The following BOC variants were observed in gnomAD, a reference collection of about 807,000 sequenced individuals.
BOC encodes brother of CDO.
In BOC, 76 loss-of-function variants were observed where a neutral mutation model predicts 112.0. The observed-to-expected ratio is 0.68, with a 90% CI of 0.56 to 0.82. The LOEUF (loss-of-function observed/expected upper bound fraction) is 0.82, where lower values mean the gene tolerates loss of function less well. Among genes scored for constraint, BOC ranks in the 40% least tolerant of loss-of-function variants. BOC has a pLI of 0.00. For synonymous variants in BOC, 580 were observed against 599.8 expected, an observed-to-expected ratio of 0.97 and a Z score of 0.48; for missense variants, 1,309 against 1,511.7, an observed-to-expected ratio of 0.87 and a Z score of 2.22.
chr3:113,263,856 A>G (rs1947162718), intron 4 of BOC, among the ~76,000 whole-genome samples: 2 of 152,234 alleles, frequency 1.3e-5, no homozygotes, highest in South Asian at 2.1e-4. Context: ...AGCCACATCT[A>G]TGTACCTTTG....
intron 2 of BOC, among the ~76,000 whole-genome samples, chr3:113,221,337 G>C (rs576259921): frequency 2.0e-5 from 3 of 152,206 alleles, no homozygotes; most frequent in Admixed American, 1.3e-4. Flanking sequence ...CACTGGCTCA[G>C]GGTTTACGGA....
At position 113,234,789 on chromosome 3, in the gene BOC, A is replaced by G. The variant is rs116296359; in HGVS notation, c.-81-14933A>G. 5.9e-3 allele frequency among the ~76,000 whole-genome samples: 894 copies of G among 152,218 alleles called. 6 individuals are homozygous for G. The highest frequency in any genetic ancestry group is 0.02 in the African/African-American group (823 of 41,538). On this transcript the variant is annotated intron_variant, in intron 2 of 19. Transcript: ENST00000682979. ...ACACTAAGCAGAGTGCCTTGTTTTTACTGCACTTGGGAGCCATATCCTGTT... is the reference window on the plus strand; with the variant it reads ...ACACTAAGCAGAGTGCCTTGTTTTTGCTGCACTTGGGAGCCATATCCTGTT...
In BOC at chr3:113,278,384, T is replaced by C; in HGVS notation, c.1705+127T>C. 8.9e-7 allele frequency: 1 copy of C among 1,119,940 alleles called. No individual in the cohort carries two copies. The highest frequency in any genetic ancestry group is 1.5e-5 in the South Asian group (1 of 66,076). The allele number at this position is 1,119,940 out of a possible 1,614,324, so 69.4% of individuals were successfully genotyped here. ...CTTGAACTTCATCTTTCCTTCCAGC[T>C]ACTGCCTCCTTGTGGTTTGTGTGCT... On this transcript the variant is annotated intron_variant, in intron 10 of 19. Transcript: ENST00000682979. This position sits in a 1 kb window ranked among gnomAD's most constrained non-coding sequence, Gnocchi z 4.2.
chr3:113,266,335 T>A (rs1027469189), intron 4 of BOC, among the ~76,000 whole-genome samples: 1 of 152,242 alleles, frequency 6.6e-6, no homozygotes, highest in African/African-American at 2.4e-5. Context: ...ATCCTGTCAC[T>A]GTTTTTAACA....
chr3:113,218,352 T>A (rs1435951506), intron 2 of BOC, among the ~76,000 whole-genome samples: 1 of 152,222 alleles, frequency 6.6e-6, no homozygotes, highest in Non-Finnish European at 1.5e-5. Context: ...TAGGTGTGGG[T>A]CACAGTTAAT....
At chr3:113,264,058 A>G (rs956005293) in intron 4 of BOC, among the ~76,000 whole-genome samples, 2 of 152,218 alleles carry the variant, frequency 1.3e-5, no homozygotes, top group African/African-American at 4.8e-5. Flanking sequence ...CTGAGCTCCC[A>G]GAAGGAAGGA....
At chr3:113,253,200 C>G (rs1452297019) in intron 4 of BOC, among the ~76,000 whole-genome samples, 1 of 151,192 alleles carries the variant, frequency 6.6e-6, no homozygotes, top group Admixed American at 6.6e-5. Flanking sequence ...GTTCTTTTCT[C>G]TCTCTTGATG....
intron 6 of BOC, 129 bp downstream of exon 6, chr3:113,271,073 A>C (rs1028267440): frequency 1.4e-6 from 2 of 1,395,110 alleles, no homozygotes; most frequent in African/African-American, 2.8e-5. Flanking sequence ...GGCTTTGGCC[A>C]GGGGGACAGC....
At chr3:113,272,129 C>T (rs1210540660) in intron 6 of BOC, 3 of 505,882 alleles carry the variant, frequency 5.9e-6, no homozygotes, top group Non-Finnish European at 1.1e-5. Context: ...TCTCTCTTTG[C>T]CAGCACACAG....
At chr3:113,241,084 A>G (rs1470797015) in intron 2 of BOC, among the ~76,000 whole-genome samples, 1 of 152,196 alleles carries the variant, frequency 6.6e-6, no homozygotes, top group African/African-American at 2.4e-5. Context: ...TCCCAGCACC[A>G]CATCTGTGAC....
chr3:113,266,852 G>C (rs1260403190), intron 4 of BOC, among the ~76,000 whole-genome samples: 1 of 152,328 alleles, frequency 6.6e-6, no homozygotes, highest in East Asian at 1.9e-4. Context: ...AATTGACTAA[G>C]AGTTGCTGGG....
At chr3:113,283,265 C>T in intron 15 of BOC, 146 bp from the exon 16 acceptor site, 1 of 780,244 alleles carries the variant, frequency 1.3e-6, no homozygotes, top group Admixed American at 2.4e-5. Flanking sequence ...GTGTGGACAC[C>T]ATTCAAATAA....
intron 15 of BOC, among the ~76,000 whole-genome samples, chr3:113,281,815 G>T (rs1224810845): frequency 6.6e-6 from 1 of 152,190 alleles, no homozygotes; most frequent in Non-Finnish European, 1.5e-5. Context: ...TCTCATCAAG[G>T]CAATGGCATT....
chr3:113,227,083 G>A (rs1466858946), intron 2 of BOC, among the ~76,000 whole-genome samples: 5 of 152,182 alleles, frequency 3.3e-5, no homozygotes, highest in African/African-American at 1.2e-4. Context: ...TAGGGTAGAG[G>A]CTTTGATGGT....
intron 2 of BOC, among the ~76,000 whole-genome samples, chr3:113,238,673 C>T (rs1375065676): frequency 6.6e-6 from 1 of 152,190 alleles, no homozygotes; most frequent in African/African-American, 2.4e-5. Flanking sequence ...TCAGGCAGAC[C>T]TGGTTCAAAT....
intron 4 of BOC, among the ~76,000 whole-genome samples, chr3:113,257,192 C>T (rs1050808247): frequency 6.6e-6 from 1 of 152,204 alleles, no homozygotes; most frequent in Non-Finnish European, 1.5e-5. Flanking sequence ...ATTAATGGCA[C>T]CTTTAGACGG....
intron 2 of BOC, among the ~76,000 whole-genome samples, chr3:113,218,073 G>A (rs751808876): frequency 7.2e-5 from 11 of 152,112 alleles, no homozygotes; most frequent in Admixed American, 1.3e-4. Flanking sequence ...GAAAGTTGCC[G>A]GGCTCTCAAG....
In BOC at chr3:113,284,482, T is replaced by G. The variant is rs1255034636; in HGVS notation, c.2804T>G (p.Ile935Ser). Residue 935 changes from isoleucine (I) to serine (S), a missense_variant, in exon 17 of 20, where the codon ATC (isoleucine) becomes AGC (serine). Ile to Ser is a moderately radical substitution (Grantham distance 142). Transcript: ENST00000682979. The stretch of plus-strand genomic sequence containing the variant: ...AGTGGACGGGCCTGTGCTAATGGGA[T>G]CCACATGAATAGGGGCTGCCCCTCG... ...GISGRACANG[I>S]HMNRGCPSAA... The G allele has an allele frequency of 1.9e-6, 3 of 1,614,090 alleles. No homozygotes were observed. In the African/African-American group the frequency reaches 4.0e-5, roughly 22 times the overall value.
At chr3:113,226,926 T>C (rs1238588535) in intron 2 of BOC, among the ~76,000 whole-genome samples, 3 of 152,234 alleles carry the variant, frequency 2.0e-5, no homozygotes, top group African/African-American at 7.2e-5. Context: ...GGCCTTTCAA[T>C]TGACCAGTTA....
Sources: allele counts gnomAD v4.1 joint callset (sites outside exome capture counted in the v4.1 genomes callset), GRCh38; gene constraint gnomAD v4.1.1; non-coding constraint Gnocchi (gnomAD v3.1); transcripts MANE v1.5; gene names NCBI Gene and HGNC (gene_info 2026-07-23, HGNC 2026-07-21).